Variants in GRB10 observed in about 807,000 individuals in gnomAD.
GRB10 encodes the protein growth factor receptor bound protein 10.
GRB10 carries 20 observed loss-of-function variants against 80.9 expected under a neutral mutation model. The observed-to-expected ratio is 0.25, with a 90% CI of 0.17 to 0.36. The LOEUF is 0.36. Ranked by LOEUF, GRB10 falls within the 10% of genes least tolerant of loss-of-function variation. GRB10 has a pLI of 1.00. For synonymous variants in GRB10, 291 were observed against 291.5 expected, an observed-to-expected ratio of 1.00 and a Z score of 0.02; for missense variants, 548 against 747.7, an observed-to-expected ratio of 0.73 and a Z score of 3.12.
chr7:50,749,080 A>C (rs578192510), intron 3 of GRB10, among the ~76,000 whole-genome samples: 1 of 151,830 alleles, frequency 6.6e-6, no homozygotes, highest in African/African-American at 2.4e-5. Flanking sequence ...CAAACACGTT[A>C]GTCAATTCTA....
intron 7 of GRB10, among the ~76,000 whole-genome samples, chr7:50,662,715 T>TGGAA (rs1157269484): frequency 6.6e-6 from 1 of 152,210 alleles, no homozygotes; most frequent in South Asian, 2.1e-4. Flanking sequence ...TTGCAGCATG[T>TGGAA]GGAAGTGCTG....
chr7:50,714,939 A>G (rs1216433576), intron 4 of GRB10, among the ~76,000 whole-genome samples: 1 of 152,120 alleles, frequency 6.6e-6, no homozygotes, highest in African/African-American at 2.4e-5. Flanking sequence ...CATGAGCAGA[A>G]GGAAGAGAGA....
At chr7:50,601,046 G>A (rs540892998) in intron 17 of GRB10, among the ~76,000 whole-genome samples, 1 of 152,358 alleles carries the variant, frequency 6.6e-6, no homozygotes, top group African/African-American at 2.4e-5. Context: ...AAACCCAAGA[G>A]TGGAAAAGAA....
At chr7:50,711,688 T>C (rs1290823639) in intron 4 of GRB10, among the ~76,000 whole-genome samples, 5 of 152,144 alleles carry the variant, frequency 3.3e-5, no homozygotes, top group Admixed American at 3.3e-4. Context: ...ATATGCCTGC[T>C]CTAGAACTCT....
At chr7:50,759,192 CAA>C (rs57526722) in intron 2 of GRB10, among the ~76,000 whole-genome samples, 18 of 113,552 alleles carry the variant, frequency 1.6e-4, no homozygotes, top group Admixed American at 2.9e-4. Flanking sequence ...GACTCTGCCT[CAA>C]AAAAAAAAAA....
intron 7 of GRB10, among the ~76,000 whole-genome samples, chr7:50,648,333 G>A (rs1237402613): frequency 2.4e-4 from 36 of 152,166 alleles, no homozygotes; most frequent in Admixed American, 2.3e-3. Flanking sequence ...CTTTAGCCAT[G>A]TGGATGCCAC....
intron 17 of GRB10, among the ~76,000 whole-genome samples, chr7:50,599,060 TCTC>T (rs1244663569): frequency 1.3e-5 from 2 of 151,966 alleles, no homozygotes; most frequent in Non-Finnish European, 1.5e-5. Context: ...AAAAGATCCT[TCTC>T]CTGCAGTTCT....
intron 3 of GRB10, among the ~76,000 whole-genome samples, chr7:50,732,873 C>T (rs1400701682): frequency 6.6e-6 from 1 of 152,162 alleles, no homozygotes; most frequent in Non-Finnish European, 1.5e-5. Flanking sequence ...GGACATCCAA[C>T]CTGACAAACT....
chr7:50,763,096 C>T (rs538416639), intron 2 of GRB10, among the ~76,000 whole-genome samples: 11 of 148,332 alleles, frequency 7.4e-5, no homozygotes, highest in East Asian at 4.0e-4. Flanking sequence ...CCACTCTGGG[C>T]GACAGAGCAA....
chr7:50,614,744 G>A (rs1285685921), intron 12 of GRB10, 26 bp downstream of exon 12: 9 of 1,449,742 alleles, frequency 6.2e-6, no homozygotes, highest in South Asian at 2.3e-5. Flanking sequence ...GAGCATGCGC[G>A]CCGTCTGTGG....
chr7:50,658,748 T>C (rs564748311), intron 7 of GRB10, among the ~76,000 whole-genome samples: 13 of 152,210 alleles, frequency 8.5e-5, no homozygotes, highest in Non-Finnish European at 1.8e-4. Context: ...GGAGAAACAC[T>C]AGTAGTTGGG....
At chr7:50,792,729 C>G (rs917366110) in intron 1 of GRB10, 1 of 319,672 alleles carries the variant, frequency 3.1e-6, no homozygotes, top group Non-Finnish European at 5.7e-6. Flanking sequence ...CGCCCGGACG[C>G]CCGGGCGCGC....
intron 4 of GRB10, among the ~76,000 whole-genome samples, chr7:50,728,219 G>A (rs1033654713): frequency 1.3e-5 from 2 of 151,352 alleles, no homozygotes; most frequent in Non-Finnish European, 2.9e-5. Flanking sequence ...AAGTATGGGG[G>A]GGGGGTGTAG....
intron 4 of GRB10, among the ~76,000 whole-genome samples, chr7:50,720,576 A>G (rs2067565757): frequency 6.6e-6 from 1 of 152,186 alleles, no homozygotes; most frequent in African/African-American, 2.4e-5. Context: ...TAAAACCCCA[A>G]GGAAAAATAA....
Position 50,710,775 on chromosome 7 carries a change from C to T in GRB10, c.52-6867G>A, listed in dbSNP as rs142814410. ...ACACCTTCCTGAGGCAGAACGACCACTTCATAGGTCACTTCTGAGGTTCAA... is the reference window on the plus strand; with the variant it reads ...ACACCTTCCTGAGGCAGAACGACCATTTCATAGGTCACTTCTGAGGTTCAA... On this transcript the variant is annotated intron_variant, in intron 4 of 18. Transcript: ENST00000401949. 2.5e-4 allele frequency: 338 copies of T among 1,332,324 alleles called. 1 individual carries two copies. The African/African-American group carries it at 4.6e-3, about 18-fold the overall frequency. The allele number at this position is 1,332,324 out of a possible 1,614,324, so 82.5% of individuals were successfully genotyped here.
intron 3 of GRB10, among the ~76,000 whole-genome samples, chr7:50,736,531 G>A (rs554150486): frequency 1.3e-5 from 2 of 152,310 alleles, no homozygotes; most frequent in South Asian, 2.1e-4. Flanking sequence ...GGTGGCTCAC[G>A]CCTGTAATCC....
At chr7:50,751,026 G>T (rs1375180056) in intron 3 of GRB10, among the ~76,000 whole-genome samples, 1 of 152,170 alleles carries the variant, frequency 6.6e-6, no homozygotes, top group Non-Finnish European at 1.5e-5. Context: ...CTGCAAATCA[G>T]ACTCGCCAAG....
At chr7:50,742,289 A>ACACG (rs2072001688) in intron 3 of GRB10, among the ~76,000 whole-genome samples, 3 of 28,680 alleles carry the variant, frequency 1.0e-4, no homozygotes, top group African/African-American at 1.8e-4. Context: ...ACACACACAC[A>ACACG]CACACACACA....
At chr7:50,774,919 G>C (rs1011776991) in intron 2 of GRB10, among the ~76,000 whole-genome samples, 1 of 151,370 alleles carries the variant, frequency 6.6e-6, no homozygotes, top group Non-Finnish European at 1.5e-5. Context: ...TGAGGCGGCC[G>C]GACTTCTTGA....
Sources: allele counts gnomAD v4.1 joint callset (sites outside exome capture counted in the v4.1 genomes callset), GRCh38; gene constraint gnomAD v4.1.1; transcripts MANE v1.5; gene names NCBI Gene and HGNC (gene_info 2026-07-23, HGNC 2026-07-21).